YWHAZ: variants seen among roughly 807,000 people sequenced by gnomAD.
YWHAZ encodes tyrosine 3-monooxygenase/tryptophan 5-monooxygenase activation protein zeta.
For synonymous variants in YWHAZ, 87 were observed against 103.6 expected (o/e 0.84, Z 0.97); for missense variants, 79 against 284.8 (o/e 0.28, Z 5.20).
chr8:100,949,568 T>G (rs1810554093), intron 1 of YWHAZ, among the ~76,000 whole-genome samples: 1 of 152,172 alleles, frequency 6.6e-6, no homozygotes, highest in Non-Finnish European at 1.5e-5. Flanking sequence ...GACCCTAATG[T>G]CTCAACTCTT....
rs57486163 is a variant in YWHAZ, at chr8:100,918,444, A to ATATATATATATATATATATAT, written c.*2248_*2249insATATATATATATATATATATA. ...TATATATATATATATATATATATAT[A>ATATATATATATATATATATAT]ATTATTTTACCTCCTTGGCTTGGGG... is the stretch of plus-strand genomic sequence containing the variant. On this transcript the variant is annotated 3_prime_UTR_variant, in exon 6 of 6. Coordinates refer to ENST00000395958, the MANE Select transcript of YWHAZ (RefSeq NM_145690.3). The ATATATATATATATATATATAT allele has an allele frequency of 7.6e-4, 83 of 108,762 alleles. No homozygotes were observed. The highest frequency in any genetic ancestry group is 1.1e-3 in the Non-Finnish European group (58 of 53,630). 6.7% of individuals were successfully genotyped at this position (108,762 alleles called of 1,614,324 possible).
intron 2 of YWHAZ, among the ~76,000 whole-genome samples, chr8:100,930,242 G>A (rs1021802097): frequency 6.6e-6 from 1 of 152,178 alleles, no homozygotes; most frequent in Admixed American, 6.5e-5. Flanking sequence ...GGGACTGCAG[G>A]CACATGCCAT....
rs1414308227 is a variant in YWHAZ at position 100,924,705 on chromosome 8, T to C, written c.418+211A>G. Among the ~76,000 whole-genome samples the C allele has an allele frequency of 2.6e-5, 4 of 152,154 alleles. No individual in the cohort carries two copies. Among genetic ancestry groups the C allele is most frequent in the African/African-American group, 9.7e-5 (4 of 41,426 alleles). On this transcript the variant is annotated intron_variant, in intron 3 of 5. Coordinates refer to ENST00000395958, the MANE Select transcript of YWHAZ (RefSeq NM_145690.3). This position sits in a 1 kb window ranked among gnomAD's most constrained non-coding sequence, Gnocchi z 5.7. ...CTTTTCTTAAAATCTTGAAAAAACA[T>C]CCCTGTACACAATATTGGCTTTTCA...
intron 5 of YWHAZ, 148 bp downstream of exon 5, chr8:100,923,796 CATAGGACTTTA>C: frequency 1.9e-6 from 1 of 515,702 alleles, no homozygotes; most frequent in Non-Finnish European, 3.3e-6. Context: ...AATTTTCCTT[CATAGGACTTTA>C]ATAGTAGCTG....
chr8:100,937,857 G>A (rs1481192765), intron 2 of YWHAZ, among the ~76,000 whole-genome samples: 2 of 152,212 alleles, frequency 1.3e-5, no homozygotes, highest in Non-Finnish European at 2.9e-5. Flanking sequence ...TCGGCCGGGT[G>A]CAGTGACTCA....
chr8:100,950,266 T>G, intron 1 of YWHAZ: 1 of 674,246 alleles, frequency 1.5e-6, no homozygotes. Flanking sequence ...CAAAAAATGA[T>G]TTAAGCCAGT....
At chr8:100,921,119 C>T (rs1812996894) in intron 5 of YWHAZ, among the ~76,000 whole-genome samples, 1 of 152,056 alleles carries the variant, frequency 6.6e-6, no homozygotes, top group Non-Finnish European at 1.5e-5. Flanking sequence ...ATGAACCCTC[C>T]GCCTCCCAGG....
intron 2 of YWHAZ, among the ~76,000 whole-genome samples, chr8:100,926,969 G>GT (rs1348365349): frequency 6.6e-6 from 1 of 152,196 alleles, no homozygotes; most frequent in Non-Finnish European, 1.5e-5. Context: ...TGGCTTTGGG[G>GT]TGAGTCTGGT....
At chr8:100,953,345 A>AGGCCGGGTGATGAGCCG (rs1284208745), upstream of YWHAZ, 189 of 985,478 alleles carry the variant, frequency 1.9e-4, no homozygotes, top group Non-Finnish European at 2.2e-4. Flanking sequence ...AGTGGGCCAC[A>AGGCCGGGTGATGAGCCG]GGCCGGGTGA....
At chr8:100,926,944 T>C (rs1813405220) in intron 2 of YWHAZ, among the ~76,000 whole-genome samples, 1 of 152,196 alleles carries the variant, frequency 6.6e-6, no homozygotes, top group African/African-American at 2.4e-5. Context: ...CTATGGGAGA[T>C]GGTATAAACA....
intron 2 of YWHAZ, among the ~76,000 whole-genome samples, chr8:100,930,891 G>A (rs910669751): frequency 2.0e-5 from 3 of 152,098 alleles, no homozygotes; most frequent in African/African-American, 7.2e-5. Flanking sequence ...ATATTAAGTG[G>A]GATAAGAAAT....
At chr8:100,925,329 G>T (rs1323433980) in intron 2 of YWHAZ, among the ~76,000 whole-genome samples, 2 of 152,164 alleles carry the variant, frequency 1.3e-5, no homozygotes, top group Non-Finnish European at 2.9e-5. Context: ...TCATGAATGT[G>T]GGGCATGACC....
At chr8:100,932,967 C>T (rs781599417) in intron 2 of YWHAZ, among the ~76,000 whole-genome samples, 1 of 152,054 alleles carries the variant, frequency 6.6e-6, no homozygotes, top group Non-Finnish European at 1.5e-5. Flanking sequence ...CCTTGATTAG[C>T]GATAAGGAAC....
rs1378873517 is a variant in YWHAZ, at chr8:100,924,074, A to T, written c.583-24T>A. ...GCCTACGATTTAAAAATAGTACATT[A>T]CATTTCAGTGCTCAAATAATAAAGA... On this transcript the variant is annotated intron_variant, in intron 4 of 5. Coordinates refer to ENST00000395958, the MANE Select transcript of YWHAZ (RefSeq NM_145690.3). This position sits in a 1 kb window ranked among gnomAD's most constrained non-coding sequence, Gnocchi z 5.7. The T allele has an allele frequency of 6.2e-7, 1 of 1,608,748 alleles. No individual in the cohort carries two copies.
In YWHAZ at chr8:100,922,985, T is replaced by G. The variant is rs1813134162; in HGVS notation, c.678+970A>C. ...GTTTATAGATAGCTCCAAATTGTGC[T>G]AATAAAGTAATTTTAGGTTTAATAA... On this transcript the variant is annotated intron_variant, in intron 5 of 5. Transcript: ENST00000395958. This position sits in a 1 kb window ranked among gnomAD's most constrained non-coding sequence, Gnocchi z 4.1. 1 of 152,226 alleles carries G rather than the reference T, an allele frequency of 6.6e-6. No homozygotes were observed. The highest frequency in any genetic ancestry group is 1.5e-5 in the Non-Finnish European group (1 of 68,044). 9.4% of individuals were successfully genotyped at this position (152,226 alleles called of 1,614,324 possible). A position where few individuals can be genotyped will look rare whatever the true frequency, so the allele number is the denominator to read the frequency against.
intron 2 of YWHAZ, among the ~76,000 whole-genome samples, chr8:100,932,717 TA>T (rs1368854690): frequency 2.0e-5 from 3 of 152,072 alleles, no homozygotes; most frequent in Non-Finnish European, 4.4e-5. Flanking sequence ...AAGTGTTCCA[TA>T]AAAAAAGAAA....
intron 2 of YWHAZ, among the ~76,000 whole-genome samples, chr8:100,940,895 T>G (rs1030554020): frequency 6.6e-6 from 1 of 152,236 alleles, no homozygotes; most frequent in African/African-American, 2.4e-5. Context: ...TACACTTTAG[T>G]ATCCTTTATT....
chr8:100,928,753 G>C (rs1316335493), intron 2 of YWHAZ, among the ~76,000 whole-genome samples: 1 of 150,682 alleles, frequency 6.6e-6, no homozygotes, highest in Non-Finnish European at 1.5e-5. Flanking sequence ...AAAAAAAAAA[G>C]GAACATATTC....
At chr8:100,952,921 G>T (rs1345572728), upstream of YWHAZ, 3 of 1,000,578 alleles carry the variant, frequency 3.0e-6, no homozygotes, top group Non-Finnish European at 3.6e-6. Flanking sequence ...CAGCCCCTGA[G>T]TGTGGCTGAG....
Sources: allele counts gnomAD v4.1 joint callset (sites outside exome capture counted in the v4.1 genomes callset), GRCh38; gene constraint gnomAD v4.1.1; non-coding constraint Gnocchi (gnomAD v3.1); transcripts MANE v1.5; gene names NCBI Gene and HGNC (gene_info 2026-07-23, HGNC 2026-07-21).